TSPAN5: variants seen among roughly 807,000 people sequenced by gnomAD.
TSPAN5 encodes the protein tetraspanin-5.
In TSPAN5, 10 loss-of-function variants were observed where a neutral mutation model predicts 37.1. That is an observed-to-expected ratio of 0.27 (90% confidence interval 0.17 to 0.46). The LOEUF (loss-of-function observed/expected upper bound fraction) is 0.46, where lower values mean the gene tolerates loss of function less well. Among genes scored for constraint, TSPAN5 ranks in the 20% least tolerant of loss-of-function variants. The probability of loss-of-function intolerance (pLI) is 1.00; values close to 1 mark genes in which losing one functional copy is unlikely to be tolerated. For synonymous variants in TSPAN5, 110 were observed against 118.9 expected (o/e 0.93, Z 0.48); for missense variants, 195 against 326.6 (o/e 0.60, Z 3.11).
intron 1 of TSPAN5, among the ~76,000 whole-genome samples, chr4:98,655,020 G>A (rs983143402): frequency 1.8e-4 from 27 of 152,060 alleles, no homozygotes; most frequent in African/African-American, 6.3e-4. Context: ...CTAGTTTTTT[G>A]TATTTCAGTA....
At chr4:98,588,517 TTAATA>T (rs952100249) in intron 1 of TSPAN5, among the ~76,000 whole-genome samples, 2 of 152,230 alleles carry the variant, frequency 1.3e-5, no homozygotes, top group African/African-American at 4.8e-5. Context: ...TTGAATATAT[TTAATA>T]TAATTTATTC....
chr4:98,656,916 AAGG>A (rs775519997), intron 1 of TSPAN5, among the ~76,000 whole-genome samples: 2 of 152,230 alleles, frequency 1.3e-5, no homozygotes, highest in African/African-American at 4.8e-5. Context: ...GCCCAAATTA[AAGG>A]AGAATTCAAA....
At chr4:98,566,859 C>CA (rs1288742475) in intron 1 of TSPAN5, among the ~76,000 whole-genome samples, 1 of 152,226 alleles carries the variant, frequency 6.6e-6, no homozygotes, top group Non-Finnish European at 1.5e-5. Flanking sequence ...ATTCAAACCC[C>CA]AACACAACAC....
intron 2 of TSPAN5, among the ~76,000 whole-genome samples, chr4:98,495,168 T>C (rs1753173081): frequency 6.6e-6 from 1 of 152,158 alleles, no homozygotes; most frequent in Admixed American, 6.5e-5. Flanking sequence ...TGAACTATGT[T>C]CTATCCCCGT....
intron 1 of TSPAN5, among the ~76,000 whole-genome samples, chr4:98,608,103 T>C (rs1756083636): frequency 2.0e-5 from 3 of 152,200 alleles, no homozygotes; most frequent in African/African-American, 7.2e-5. Context: ...CCCTATTCGT[T>C]ATAGCATAAC....
intron 1 of TSPAN5, among the ~76,000 whole-genome samples, chr4:98,571,594 A>T (rs1424877707): frequency 6.6e-6 from 1 of 152,106 alleles, no homozygotes; most frequent in Non-Finnish European, 1.5e-5. Context: ...GTGCAAGGTT[A>T]GGAAAATTTG....
chr4:98,561,533 G>A (rs957380844), intron 1 of TSPAN5, among the ~76,000 whole-genome samples: 12 of 152,232 alleles, frequency 7.9e-5, no homozygotes, highest in African/African-American at 2.7e-4. Flanking sequence ...AGTAATTGAG[G>A]CAAGGGTTCA....
chr4:98,595,251 T>A (rs1361442783), intron 1 of TSPAN5, among the ~76,000 whole-genome samples: 1 of 105,418 alleles, frequency 9.5e-6, no homozygotes, highest in African/African-American at 4.8e-5. Context: ...TATTCTCTGA[T>A]GGTAGTTTGT....
At chr4:98,569,549 G>A (rs1755075264) in intron 1 of TSPAN5, among the ~76,000 whole-genome samples, 1 of 152,214 alleles carries the variant, frequency 6.6e-6, no homozygotes, top group Non-Finnish European at 1.5e-5. Flanking sequence ...CAGCAAGCTA[G>A]CTCACAGGCT....
At chr4:98,607,285 G>A (rs945908708) in intron 1 of TSPAN5, among the ~76,000 whole-genome samples, 9 of 152,160 alleles carry the variant, frequency 5.9e-5, no homozygotes, top group Non-Finnish European at 1.3e-4. Context: ...CCGGAGATGG[G>A]TATCCCACAC....
chr4:98,568,613 G>A (rs1755057993), intron 1 of TSPAN5, among the ~76,000 whole-genome samples: 2 of 152,054 alleles, frequency 1.3e-5, no homozygotes, highest in South Asian at 2.1e-4. Context: ...GGACCTCAGA[G>A]GCTAGGCAAA....
intron 1 of TSPAN5, among the ~76,000 whole-genome samples, chr4:98,656,441 C>T (rs188464948): frequency 6.6e-6 from 1 of 152,346 alleles, no homozygotes; most frequent in East Asian, 1.9e-4. Context: ...TAGTCCGTGC[C>T]TCTCCAAGTC....
At chr4:98,521,486 T>C (rs1033842556) in intron 1 of TSPAN5, among the ~76,000 whole-genome samples, 1 of 152,226 alleles carries the variant, frequency 6.6e-6, no homozygotes, top group Admixed American at 6.5e-5. Flanking sequence ...GATCCTCTGG[T>C]TCCTGGCATT....
At chr4:98,606,348 C>T (rs915286831) in intron 1 of TSPAN5, among the ~76,000 whole-genome samples, 6 of 152,170 alleles carry the variant, frequency 3.9e-5, no homozygotes, top group African/African-American at 1.4e-4. Context: ...ACAGGACAAA[C>T]ACAAAACACT....
At chr4:98,579,198 C>G (rs1194111540) in intron 1 of TSPAN5, among the ~76,000 whole-genome samples, 1 of 152,144 alleles carries the variant, frequency 6.6e-6, no homozygotes, top group Non-Finnish European at 1.5e-5. Flanking sequence ...AGAGCCCAGG[C>G]TGGCCGTCAC....
chr4:98,648,660 C>T (rs1328039796), intron 1 of TSPAN5, among the ~76,000 whole-genome samples: 1 of 152,106 alleles, frequency 6.6e-6, no homozygotes, highest in Non-Finnish European at 1.5e-5. Flanking sequence ...TAAAATAGGC[C>T]ACCTTTTTTT....
chr4:98,635,681 C>G (rs1756841883), intron 1 of TSPAN5, among the ~76,000 whole-genome samples: 2 of 152,172 alleles, frequency 1.3e-5, no homozygotes, highest in Admixed American at 1.3e-4. Flanking sequence ...AACAGATTGC[C>G]CAGAGCCATT....
chr4:98,586,442 A>C (rs1755486119), intron 1 of TSPAN5, among the ~76,000 whole-genome samples: 1 of 152,194 alleles, frequency 6.6e-6, no homozygotes, highest in Non-Finnish European at 1.5e-5. Flanking sequence ...ATGGTTTCCA[A>C]GGTAACAAGT....
chr4:98,494,093 T>C (rs977870966), intron 2 of TSPAN5, among the ~76,000 whole-genome samples: 11 of 152,134 alleles, frequency 7.2e-5, no homozygotes, highest in African/African-American at 2.2e-4. Context: ...TCTGAGGCAA[T>C]AGGATTGTAA....
Sources: gnomAD v4.1 joint callset for allele counts (sites outside exome capture counted in the v4.1 genomes callset) on GRCh38, gnomAD v4.1.1 for gene constraint, MANE v1.5 for transcripts, NCBI Gene and HGNC (gene_info 2026-07-23, HGNC 2026-07-21) for gene names.